MDGA2: variants seen among roughly 807,000 people sequenced by gnomAD.
MDGA2 encodes the protein MAM domain containing glycosylphosphatidylinositol anchor 2.
Under a neutral mutation model 117.8 loss-of-function variants are expected in MDGA2, and 40 were observed. The observed-to-expected ratio is 0.34, with a 90% CI of 0.26 to 0.44. The LOEUF is 0.44. Among genes scored for constraint, MDGA2 ranks in the 20% least tolerant of loss-of-function variants. The probability of loss-of-function intolerance (pLI) is 1.00; values close to 1 mark genes in which losing one functional copy is unlikely to be tolerated. For synonymous variants in MDGA2, 452 were observed against 439.0 expected, an observed-to-expected ratio of 1.03 and a Z score of -0.37; for missense variants, 1,123 against 1,250.6, an observed-to-expected ratio of 0.90 and a Z score of 1.54.
intron 1 of MDGA2, among the ~76,000 whole-genome samples, chr14:47,401,812 G>C (rs1010348598): frequency 6.6e-6 from 1 of 152,172 alleles, no homozygotes; most frequent in Non-Finnish European, 1.5e-5. Flanking sequence ...CAGTTTTGCT[G>C]AGTAAATTAA....
intron 1 of MDGA2, among the ~76,000 whole-genome samples, chr14:47,556,149 C>T (rs1198184216): frequency 6.6e-6 from 1 of 152,070 alleles, no homozygotes; most frequent in Non-Finnish European, 1.5e-5. Flanking sequence ...CAGCATCAGA[C>T]CTTAGGTTGT....
chr14:47,493,254 T>A (rs1167803167), intron 1 of MDGA2, among the ~76,000 whole-genome samples: 1 of 150,138 alleles, frequency 6.7e-6, no homozygotes, highest in Non-Finnish European at 1.5e-5. Flanking sequence ...CTAAAAATAT[T>A]TCTGGGACTG....
At chr14:47,287,838 C>T (rs1888740048) in intron 2 of MDGA2, among the ~76,000 whole-genome samples, 1 of 152,014 alleles carries the variant, frequency 6.6e-6, no homozygotes, top group African/African-American at 2.4e-5. Context: ...TAATCCAATC[C>T]ACCAGTGTCG....
chr14:47,325,586 T>A (rs1890119693), intron 1 of MDGA2, among the ~76,000 whole-genome samples: 1 of 152,148 alleles, frequency 6.6e-6, no homozygotes, highest in South Asian at 2.1e-4. Flanking sequence ...CATGAGGGAT[T>A]GATAGAACAC....
At chr14:46,987,637 G>A (rs1002421999) in intron 8 of MDGA2, among the ~76,000 whole-genome samples, 2 of 151,992 alleles carry the variant, frequency 1.3e-5, no homozygotes, top group African/African-American at 4.8e-5. Flanking sequence ...CACCGTTTTT[G>A]TTTAATTAAG....
At position 47,401,715 on chromosome 14, in the gene MDGA2, C is replaced by T. The variant is rs562173777; in HGVS notation, c.281-100165G>A. The stretch of plus-strand genomic sequence containing the variant: ...CAATCAGATCAATTCACTCAGAAGT[C>T]TATGCTACATCTTCTGAGGCCATGT... On this transcript the variant is annotated intron_variant, in intron 1 of 16. Transcript: ENST00000399232. 6.6e-5 allele frequency among the ~76,000 whole-genome samples: 10 copies of T among 152,290 alleles called. No homozygotes were observed. In the South Asian group the frequency reaches 2.1e-3, roughly 32 times the overall value.
At chr14:47,541,479 A>T (rs893724086) in intron 1 of MDGA2, among the ~76,000 whole-genome samples, 6 of 151,964 alleles carry the variant, frequency 3.9e-5, no homozygotes, top group African/African-American at 1.4e-4. Context: ...TGATGCTCAA[A>T]CTCTTAATGT....
At chr14:47,604,495 C>CA (rs1211788371) in intron 1 of MDGA2, among the ~76,000 whole-genome samples, 32 of 131,220 alleles carry the variant, frequency 2.4e-4, no homozygotes, top group African/African-American at 9.0e-4. Context: ...CCACCCCCCC[C>CA]CACCCTCACC....
chr14:47,318,785 G>A (rs909101721), intron 1 of MDGA2, among the ~76,000 whole-genome samples: 2 of 151,530 alleles, frequency 1.3e-5, no homozygotes, highest in Admixed American at 6.6e-5. Flanking sequence ...AGGGAGAAAG[G>A]AGGGGAGGGG....
At chr14:47,324,854 A>G (rs530176688) in intron 1 of MDGA2, among the ~76,000 whole-genome samples, 21 of 149,420 alleles carry the variant, frequency 1.4e-4, no homozygotes, top group East Asian at 5.9e-4. Flanking sequence ...GAGAGAGAGA[A>G]AGAGAGAGAG....
intron 3 of MDGA2, among the ~76,000 whole-genome samples, chr14:47,215,852 T>A (rs1886066217): frequency 2.0e-5 from 3 of 152,082 alleles, no homozygotes; most frequent in Non-Finnish European, 4.4e-5. Flanking sequence ...ATGGTATGCA[T>A]CACAGTGATG....
At chr14:47,632,975 A>G (rs930994979) in intron 1 of MDGA2, among the ~76,000 whole-genome samples, 5 of 152,188 alleles carry the variant, frequency 3.3e-5, no homozygotes, top group African/African-American at 1.2e-4. Context: ...AATGAGGATA[A>G]TGGAAATATG....
chr14:47,016,565 C>T (rs1162905144), intron 8 of MDGA2, among the ~76,000 whole-genome samples: 1 of 151,890 alleles, frequency 6.6e-6, no homozygotes, highest in Non-Finnish European at 1.5e-5. Flanking sequence ...ATATGAATTT[C>T]CGTGACTCAC....
In MDGA2 at chr14:47,612,878, C is replaced by T. The variant is rs560281816; in HGVS notation, c.280+61639G>A. Among the ~76,000 whole-genome samples the T allele has an allele frequency of 9.2e-5, 14 of 152,226 alleles. No homozygotes were observed. In the East Asian group the frequency reaches 2.3e-3, roughly 25 times the overall value. ...GCAAATGTGCTCCAGTTATCTAAAC[C>T]TGACGATACTTAAAAGCTGATCAAG... On this transcript the variant is annotated intron_variant, in intron 1 of 16. Coordinates refer to ENST00000399232, the MANE Select transcript of MDGA2 (RefSeq NM_001113498.3).
intron 1 of MDGA2, chr14:47,343,206 G>T: frequency 8.9e-7 from 1 of 1,126,592 alleles, no homozygotes; most frequent in African/African-American, 1.6e-5. Context: ...TAAAAGGAAT[G>T]GTGATTTTTT....
chr14:47,431,203 T>A (rs1295337599), intron 1 of MDGA2, among the ~76,000 whole-genome samples: 1 of 152,044 alleles, frequency 6.6e-6, no homozygotes, highest in African/African-American at 2.4e-5. Flanking sequence ...AATGAATAAT[T>A]ATTAAACAAT....
At chr14:47,041,054 T>C (rs966466669) in intron 7 of MDGA2, among the ~76,000 whole-genome samples, 4 of 152,136 alleles carry the variant, frequency 2.6e-5, no homozygotes, top group African/African-American at 7.2e-5. Flanking sequence ...TTGGAACAAA[T>C]GTGATAAATA....
chr14:47,437,059 C>T (rs890113086), intron 1 of MDGA2, among the ~76,000 whole-genome samples: 6 of 152,180 alleles, frequency 3.9e-5, no homozygotes, highest in South Asian at 4.2e-4. Flanking sequence ...TTACTTCATT[C>T]TTTTTAGCCT....
intron 1 of MDGA2, among the ~76,000 whole-genome samples, chr14:47,614,394 T>C (rs1896911836): frequency 1.3e-5 from 2 of 152,152 alleles, no homozygotes; most frequent in African/African-American, 4.8e-5. Flanking sequence ...CCGGCCACTT[T>C]TTCACCTTTT....
Sources: gnomAD v4.1 joint callset for allele counts (sites outside exome capture counted in the v4.1 genomes callset) on GRCh38, gnomAD v4.1.1 for gene constraint, MANE v1.5 for transcripts, NCBI Gene and HGNC (gene_info 2026-07-23, HGNC 2026-07-21) for gene names.